Variants in ABCD3 observed in about 807,000 individuals in gnomAD.
ABCD3 encodes the protein ATP-binding cassette sub-family D member 3.
A neutral mutation model predicts 105.5 loss-of-function variants in ABCD3; 41 were observed. The ratio of observed to expected loss-of-function variants is 0.39; its 90% CI spans 0.30 to 0.50. ABCD3 has a LOEUF of 0.50. Among genes scored for constraint, ABCD3 ranks in the 20% least tolerant of loss-of-function variants. The probability of loss-of-function intolerance (pLI) is 0.84; values close to 1 mark genes in which losing one functional copy is unlikely to be tolerated. For synonymous variants in ABCD3, 258 were observed against 269.0 expected, an observed-to-expected ratio of 0.96 and a Z score of 0.40; for missense variants, 622 against 806.3, an observed-to-expected ratio of 0.77 and a Z score of 2.77.
chr1:94,488,343 T>TA (rs1477157935), intron 13 of ABCD3, among the ~76,000 whole-genome samples: 4 of 152,098 alleles, frequency 2.6e-5, no homozygotes, highest in Non-Finnish European at 4.4e-5. Flanking sequence ...TCTTGGATCT[T>TA]AGATACCGGC....
At chr1:94,422,895 A>G (rs1405240281) in intron 1 of ABCD3, among the ~76,000 whole-genome samples, 2 of 152,322 alleles carry the variant, frequency 1.3e-5, no homozygotes, top group Non-Finnish European at 2.9e-5. Context: ...AAAAAACAGA[A>G]CAGAACAAAG....
intron 15 of ABCD3, among the ~76,000 whole-genome samples, chr1:94,490,659 C>T (rs1649488293): frequency 6.6e-6 from 1 of 151,826 alleles, no homozygotes; most frequent in Admixed American, 6.6e-5. Flanking sequence ...TTTTCTTTAT[C>T]CTCTCATCAG....
At chr1:94,385,384 A>AAG in the ABCD3 span, among the ~76,000 whole-genome samples, 1 of 143,770 alleles carries the variant, frequency 7.0e-6, no homozygotes, top group Admixed American at 7.1e-5. Flanking sequence ...ATACAAAGCA[A>AAG]AGAGAGAGAG....
At chr1:94,403,289 C>T in the ABCD3 span, among the ~76,000 whole-genome samples, 9 of 152,078 alleles carry the variant, frequency 5.9e-5, no homozygotes, top group African/African-American at 2.2e-4. Context: ...GTGAGATATC[C>T]ATCTTTCCTA....
At chr1:94,415,168 C>CA (rs147521299), upstream of ABCD3, among the ~76,000 whole-genome samples, 24 of 152,326 alleles carry the variant, frequency 1.6e-4, no homozygotes, top group East Asian at 3.3e-3. Context: ...TTTGAAGTCA[C>CA]ATAGCATCAC....
intron 1 of ABCD3, 94 bp downstream of exon 1, chr1:94,418,682 CGACGGGG>C (rs1659124498): frequency 7.4e-7 from 1 of 1,355,248 alleles, no homozygotes; most frequent in African/African-American, 1.5e-5. Context: ...TCTCTTTGCC[CGACGGGG>C]TCGGGCGGAG....
intron 5 of ABCD3, 96 bp downstream of exon 5, chr1:94,473,931 T>A: frequency 2.2e-6 from 2 of 895,440 alleles, no homozygotes; most frequent in Non-Finnish European, 3.6e-6. Flanking sequence ...TAAAGACTTA[T>A]GATACTAAGT....
chr1:94,500,949 A>T (rs1411717499), intron 20 of ABCD3, among the ~76,000 whole-genome samples: 1 of 152,194 alleles, frequency 6.6e-6, no homozygotes, highest in Non-Finnish European at 1.5e-5. Context: ...ATAACTGCAA[A>T]AAAGAGCTGC....
intron 1 of ABCD3, among the ~76,000 whole-genome samples, chr1:94,423,573 G>C (rs1471371544): frequency 6.6e-6 from 1 of 152,154 alleles, no homozygotes; most frequent in South Asian, 2.1e-4. Flanking sequence ...TTTCTCTAAA[G>C]AATCAATCAC....
intron 8 of ABCD3, 126 bp downstream of exon 8, chr1:94,478,441 C>G: frequency 8.5e-7 from 1 of 1,178,574 alleles, no homozygotes; most frequent in Non-Finnish European, 1.2e-6. Flanking sequence ...ACATGATTTA[C>G]CTAACAAAGT....
intron 7 of ABCD3, among the ~76,000 whole-genome samples, chr1:94,477,146 TTA>T (rs1648784337): frequency 7.0e-6 from 1 of 142,094 alleles, no homozygotes; most frequent in Non-Finnish European, 1.5e-5. Flanking sequence ...CCAACTTAAA[TTA>T]TGAGTCATTA....
chr1:94,458,285 A>G (rs1391641610), intron 1 of ABCD3, among the ~76,000 whole-genome samples: 2 of 152,224 alleles, frequency 1.3e-5, no homozygotes, highest in African/African-American at 4.8e-5. Context: ...AGCGGTTTAC[A>G]TGGCCAAGCT....
In ABCD3 at chr1:94,418,421, A is replaced by AGCCGCCGCC. The variant is rs527684035; in HGVS notation, c.-43_-35dup. On this transcript the variant is annotated 5_prime_UTR_variant, in exon 1 of 23. Coordinates refer to ENST00000370214, the MANE Select transcript of ABCD3 (RefSeq NM_002858.4). ...TCCCCCGCGCTGCGTGCAGTAAGGT[A>AGCCGCCGCC]GCCGCCGCCGCCGCCGCCGCCGCGT... 1.6e-3 allele frequency: 2,211 copies of AGCCGCCGCC among 1,405,490 alleles called. 10 individuals carry two copies. Among genetic ancestry groups the AGCCGCCGCC allele is most frequent in the African/African-American group, 0.013 (878 of 70,046 alleles). 87.1% of individuals were successfully genotyped at this position (1,405,490 alleles called of 1,614,324 possible). A position where few individuals can be genotyped will look rare whatever the true frequency, so the allele number is the denominator to read the frequency against.
At chr1:94,426,423 G>A (rs2100875576) in intron 1 of ABCD3, among the ~76,000 whole-genome samples, 1 of 152,282 alleles carries the variant, frequency 6.6e-6, no homozygotes, top group Middle Eastern at 3.4e-3. Flanking sequence ...ATCCTAAGAT[G>A]TTAAGCTTTC....
chr1:94,432,112 G>T (rs565776883), intron 1 of ABCD3, among the ~76,000 whole-genome samples: 1 of 152,286 alleles, frequency 6.6e-6, no homozygotes, highest in South Asian at 2.1e-4. Context: ...AATGTGAGAG[G>T]AAATAACAAC....
At chr1:94,496,650 T>C (rs1056570644) in intron 16 of ABCD3, among the ~76,000 whole-genome samples, 3 of 150,906 alleles carry the variant, frequency 2.0e-5, no homozygotes, top group African/African-American at 7.3e-5. Context: ...TTTCCTACTA[T>C]TCTTCTTTCC....
the ABCD3 span, among the ~76,000 whole-genome samples, chr1:94,411,910 G>A: frequency 2.6e-5 from 4 of 152,168 alleles, no homozygotes; most frequent in African/African-American, 9.7e-5. Context: ...GGCACATATT[G>A]TATGATTCTA....
At chr1:94,471,520 TAGCATA>T (rs1252704410) in intron 4 of ABCD3, among the ~76,000 whole-genome samples, 2 of 151,740 alleles carry the variant, frequency 1.3e-5, no homozygotes, top group Non-Finnish European at 2.9e-5. Context: ...AAAAAAAGAT[TAGCATA>T]AGGAACTTCC....
chr1:94,469,751 T>C (rs374560190), intron 4 of ABCD3, among the ~76,000 whole-genome samples: 36 of 147,724 alleles, frequency 2.4e-4, no homozygotes, highest in African/African-American at 8.9e-4. Flanking sequence ...CTGCAACCTC[T>C]GCCTCCTGGG....
Sources: allele counts gnomAD v4.1 joint callset (sites outside exome capture counted in the v4.1 genomes callset), GRCh38; gene constraint gnomAD v4.1.1; transcripts MANE v1.5; gene names NCBI Gene and HGNC (gene_info 2026-07-23, HGNC 2026-07-21).